The following ZNF695 variants were observed in gnomAD, a reference collection of about 807,000 sequenced individuals.
ZNF695 encodes zinc finger protein 695.
In ZNF695, 11 loss-of-function variants were observed where a neutral mutation model predicts 11.2. The observed-to-expected ratio is 0.98, with a 90% CI of 0.62 to 1.62. The LOEUF is 1.62. Among genes scored for constraint, ZNF695 ranks in the 40% most tolerant of loss-of-function variants. The pLI is 0.00. For synonymous variants in ZNF695, 190 were observed against 201.4 expected (o/e 0.94, Z 0.48); for missense variants, 559 against 590.5 (o/e 0.95, Z 0.55).
chr1:246,999,005 T>C (rs1439229874), intron 3 of ZNF695, among the ~76,000 whole-genome samples: 1 of 54,058 alleles, frequency 1.8e-5, no homozygotes, highest in East Asian at 9.3e-4. Context: ...TATATATATA[T>C]ATATATATAT....
intron 5 of ZNF695, among the ~76,000 whole-genome samples, chr1:246,959,297 A>AT (rs1558304374): frequency 7.0e-4 from 45 of 64,638 alleles, no homozygotes; most frequent in Non-Finnish European, 1.1e-3. Flanking sequence ...AAAAAAAAAA[A>AT]AAAAAAAAAA....
At position 247,000,088 on chromosome 1, in the gene ZNF695, CAT is replaced by C; in HGVS notation, c.4-16_4-15del. On this transcript the variant is annotated splice_polypyrimidine_tract_variant and intron_variant, in intron 1 of 3. Coordinates refer to ENST00000339986, the MANE Select transcript of ZNF695 (RefSeq NM_020394.5). Reference sequence around the variant, plus strand: ...TGCCAATAGTCCCTGAAAAAGAAAACATATTTACCAAGTGGTCACGGCAGAGT... The same window carrying C: ...TGCCAATAGTCCCTGAAAAAGAAAACATTTACCAAGTGGTCACGGCAGAGT... The C allele has an allele frequency of 6.3e-7, 1 of 1,594,608 alleles. No individual in the cohort carries two copies. Among genetic ancestry groups the C allele is most frequent in the African/African-American group, 1.4e-5 (1 of 73,874 alleles).
chr1:246,948,970 A>G (rs1201913007), intron 5 of ZNF695, among the ~76,000 whole-genome samples: 1 of 152,148 alleles, frequency 6.6e-6, no homozygotes, highest in Non-Finnish European at 1.5e-5. Flanking sequence ...ACTGCCAGAT[A>G]TTTAGTAGGT....
rs1244343905 is a variant in ZNF695 at position 246,987,855 on chromosome 1, G to C, written c.660C>G (p.Ala220=). The change falls in exon 4 of 4, where the codon GCC becomes GCG. Residue 220 remains alanine (A), a synonymous_variant. Coordinates refer to ENST00000339986, the MANE Select transcript of ZNF695 (RefSeq NM_020394.5). ...CAGTAAAGCATGAGCACTCATTAAA[G>C]GCTTTGCCACATTTTTTACATTGGT... ...NPYQCKKCGK[A]FNECSCFTDC... 1 of 1,609,828 alleles carries C rather than the reference G, an allele frequency of 6.2e-7. No individual in the cohort carries two copies. Among genetic ancestry groups the C allele is most frequent in the Admixed American group, 1.7e-5 (1 of 58,884 alleles).
At chr1:246,976,846 G>A (rs1431237268) in intron 4 of ZNF695, among the ~76,000 whole-genome samples, 17 of 152,230 alleles carry the variant, frequency 1.1e-4, no homozygotes, top group Non-Finnish European at 5.9e-5. Context: ...AAGAGAAAAT[G>A]CAAAGCCAAA....
chr1:246,987,059 G>T lies in ZNF695; in HGVS notation c.1456C>A (p.His486Asn). ...CACTTGTATGGTTTCTCTCTGGTAT[G>T]AATTGTCTTATGTTTAGAAAGGTGT... ...SSHLSKHKTI[H>N]TREKPYKCEE... Residue 486 changes from histidine (H) to asparagine (N), a missense_variant, in exon 4 of 4, where the codon CAT (histidine) becomes AAT (asparagine). Coordinates refer to ENST00000339986, the MANE Select transcript of ZNF695 (RefSeq NM_020394.5). 1 of 1,614,060 alleles carries T rather than the reference G, an allele frequency of 6.2e-7. No individual in the cohort carries two copies. Among genetic ancestry groups the T allele is most frequent in the African/African-American group, 1.3e-5 (1 of 75,026 alleles).
intron 4 of ZNF695, among the ~76,000 whole-genome samples, chr1:246,970,162 T>C (rs570452710): frequency 1.9e-3 from 285 of 152,332 alleles, no homozygotes; most frequent in Non-Finnish European, 3.5e-3. Flanking sequence ...TAAACTAGTG[T>C]TAAGAACAAA....
intron 5 of ZNF695, chr1:246,967,435 G>A (rs925549663): frequency 2.2e-6 from 1 of 456,450 alleles, no homozygotes; most frequent in Admixed American, 2.3e-5. Flanking sequence ...TAGCTTAAAG[G>A]TCAGATAGGA....
intron 5 of ZNF695, among the ~76,000 whole-genome samples, chr1:246,965,078 G>A (rs1257164697): frequency 1.3e-5 from 2 of 151,466 alleles, no homozygotes; most frequent in African/African-American, 4.8e-5. Flanking sequence ...TACAAGAAGA[G>A]CAAGACAGGC....
downstream of ZNF695, among the ~76,000 whole-genome samples, chr1:246,984,615 AG>A (rs372007483): frequency 1.3e-3 from 197 of 152,346 alleles, no homozygotes; most frequent in African/African-American, 4.5e-3. Context: ...TGACTTATAA[AG>A]CCTCCAAAGT....
intron 1 of ZNF695, among the ~76,000 whole-genome samples, chr1:247,006,470 G>A (rs1359166347): frequency 2.6e-5 from 4 of 152,054 alleles, no homozygotes; most frequent in Non-Finnish European, 2.9e-5. Context: ...AATTAGCCGG[G>A]CATGGTGGCG....
chr1:246,951,830 CAA>C (rs1667876145), intron 5 of ZNF695, among the ~76,000 whole-genome samples: 1 of 152,200 alleles, frequency 6.6e-6, no homozygotes, highest in Non-Finnish European at 1.5e-5. Flanking sequence ...TAGGCTTTGT[CAA>C]AGAGGTTTCC....
intron 5 of ZNF695, among the ~76,000 whole-genome samples, chr1:246,959,351 A>AT (rs1668105179): frequency 1.6e-5 from 2 of 126,768 alleles, no homozygotes; most frequent in African/African-American, 3.0e-5. Context: ...ATATATATAT[A>AT]AAATCTCTTT....
rs769131141 is a variant in ZNF695 at position 246,988,057 on chromosome 1, CTA to C, written c.456_457del (p.His152GlnfsTer8). On this transcript the variant is annotated frameshift_variant, in exon 4 of 4. Coordinates refer to ENST00000339986, the MANE Select transcript of ZNF695 (RefSeq NM_020394.5). LOFTEE classifies it low-confidence loss of function (END_TRUNC). ...ACATTTATTGCATTGAAAGTTTTTG[CTA>C]TGAGTAGTTGCTGAGCATAGGTCAA... is the stretch of plus-strand genomic sequence containing the variant. 6.2e-7 allele frequency: 1 copy of C among 1,603,368 alleles called. No homozygotes were observed. The highest frequency in any genetic ancestry group is 1.1e-5 in the South Asian group (1 of 88,678).
At chr1:246,977,870 T>G (rs921806644) in intron 4 of ZNF695, among the ~76,000 whole-genome samples, 1 of 152,334 alleles carries the variant, frequency 6.6e-6, no homozygotes, top group Admixed American at 6.5e-5. Context: ...ACCTGGTCAT[T>G]GTGCTCAAGC....
At chr1:246,983,996 A>T (rs1247077727), downstream of ZNF695, among the ~76,000 whole-genome samples, 1 of 151,794 alleles carries the variant, frequency 6.6e-6, no homozygotes, top group Non-Finnish European at 1.5e-5. Flanking sequence ...CTCTACTAAA[A>T]AAAGAATTAG....
intron 5 of ZNF695, among the ~76,000 whole-genome samples, chr1:246,964,264 T>C (rs1217197067): frequency 6.6e-6 from 1 of 152,100 alleles, no homozygotes; most frequent in African/African-American, 2.4e-5. Flanking sequence ...CTCCCCTTCA[T>C]GGAGGATGGG....
At chr1:246,947,761 CTTACT>C (rs1667775305) in intron 5 of ZNF695, among the ~76,000 whole-genome samples, 1 of 152,174 alleles carries the variant, frequency 6.6e-6, no homozygotes, top group South Asian at 2.1e-4. Context: ...AATCTTATGT[CTTACT>C]TTAATTTCTG....
chr1:246,947,116 G>A (rs1261438504), intron 5 of ZNF695, among the ~76,000 whole-genome samples: 1 of 148,024 alleles, frequency 6.8e-6, no homozygotes, highest in Non-Finnish European at 1.5e-5. Flanking sequence ...CTCCAGCCTG[G>A]GCGACAAAGC....
Sources: gnomAD v4.1 joint callset for allele counts (sites outside exome capture counted in the v4.1 genomes callset) on GRCh38, gnomAD v4.1.1 for gene constraint, MANE v1.5 for transcripts, NCBI Gene and HGNC (gene_info 2026-07-23, HGNC 2026-07-21) for gene names.